MAPKAP1: variants seen among roughly 807,000 people sequenced by gnomAD.
The protein encoded by MAPKAP1 is MAPK associated protein 1.
In MAPKAP1, 20 loss-of-function variants were observed where a neutral mutation model predicts 65.7. The ratio of observed to expected loss-of-function variants is 0.30; its 90% CI spans 0.21 to 0.44. MAPKAP1 has a LOEUF of 0.44. Among genes scored for constraint, MAPKAP1 ranks in the 20% least tolerant of loss-of-function variants. The probability of loss-of-function intolerance (pLI) is 1.00; values close to 1 mark genes in which losing one functional copy is unlikely to be tolerated. For missense variants in MAPKAP1, 423 were observed against 648.0 expected (o/e 0.65, Z 3.77); for synonymous variants, 222 against 244.3 (o/e 0.91, Z 0.85).
intron 1 of MAPKAP1, among the ~76,000 whole-genome samples, chr9:125,674,082 G>A (rs915099477): frequency 3.3e-5 from 5 of 152,110 alleles, no homozygotes; most frequent in African/African-American, 9.6e-5. Flanking sequence ...AGGCCCTAGA[G>A]ACAGAAAGGG....
At position 125,466,712 on chromosome 9, in the gene MAPKAP1, C is replaced by T. The variant is rs541998888; in HGVS notation, c.1345+1260G>A. Among the ~76,000 whole-genome samples the T allele has an allele frequency of 7.2e-5, 11 of 152,246 alleles. No individual in the cohort carries two copies. In the East Asian group the frequency reaches 7.7e-4, roughly 11 times the overall value. Reference sequence around the variant, plus strand: ...CAGCCTTTTGCAGGGTCGGAGGCCTCGCTGGGATGACAGGAATGGCAGGAA... The same window carrying T: ...CAGCCTTTTGCAGGGTCGGAGGCCTTGCTGGGATGACAGGAATGGCAGGAA... On this transcript the variant is annotated intron_variant, in intron 10 of 11. Transcript: ENST00000265960.
intron 1 of MAPKAP1, among the ~76,000 whole-genome samples, chr9:125,694,075 TC>T (rs1835312907): frequency 6.6e-6 from 1 of 151,934 alleles, no homozygotes; most frequent in African/African-American, 2.4e-5. Context: ...ATGCTTGTAA[TC>T]CCAGCACTTT....
At chr9:125,451,871 G>C (rs1037514090) in intron 10 of MAPKAP1, among the ~76,000 whole-genome samples, 52 of 149,776 alleles carry the variant, frequency 3.5e-4, no homozygotes, top group African/African-American at 1.2e-3. Flanking sequence ...GCGCAGTGGC[G>C]CGATCTCAGC....
chr9:125,549,635 A>G (rs746417486), intron 6 of MAPKAP1, among the ~76,000 whole-genome samples: 9 of 152,228 alleles, frequency 5.9e-5, no homozygotes, highest in Non-Finnish European at 1.3e-4. Flanking sequence ...ACTAATGGGC[A>G]GTGAGAAGCC....
At position 125,559,610 on chromosome 9, in the gene MAPKAP1, GAAGT is replaced by G. The variant is rs368962809; in HGVS notation, c.848+19_848+22del. On this transcript the variant is annotated intron_variant, in intron 6 of 11. Transcript: ENST00000265960. ...AGAAGGTTGGGATGAGATACCGAGAGAAGTAATAGAGTCAGTACTCACATTCGAA... is the reference window on the plus strand; with the variant it reads ...AGAAGGTTGGGATGAGATACCGAGAGAATAGAGTCAGTACTCACATTCGAA... 114 of 1,583,432 alleles carry G rather than the reference GAAGT, an allele frequency of 7.2e-5. 2 individuals are homozygous for G. The Middle Eastern group carries it at 2.5e-3, about 35-fold the overall frequency.
At chr9:125,473,352 C>T (rs1240539896) in intron 9 of MAPKAP1, among the ~76,000 whole-genome samples, 1 of 152,168 alleles carries the variant, frequency 6.6e-6, no homozygotes, top group Non-Finnish European at 1.5e-5. Context: ...CCCCTAACCA[C>T]TTATCCACAG....
intron 10 of MAPKAP1, among the ~76,000 whole-genome samples, chr9:125,445,041 G>A (rs1852654018): frequency 6.6e-6 from 1 of 152,210 alleles, no homozygotes; most frequent in Non-Finnish European, 1.5e-5. Flanking sequence ...CTGGGCTCCT[G>A]CTGGGAGAGG....
At chr9:125,493,511 A>T (rs1854814766) in intron 8 of MAPKAP1, among the ~76,000 whole-genome samples, 1 of 152,248 alleles carries the variant, frequency 6.6e-6, no homozygotes, top group Admixed American at 6.5e-5. Context: ...GATGTTCAAT[A>T]AATGCTGCTG....
At chr9:125,548,688 A>G (rs1256183523) in intron 6 of MAPKAP1, among the ~76,000 whole-genome samples, 1 of 152,226 alleles carries the variant, frequency 6.6e-6, no homozygotes, top group Non-Finnish European at 1.5e-5. Flanking sequence ...CATTAGTTAA[A>G]AAAAGATAAA....
At chr9:125,656,353 A>G (rs1459645363) in intron 4 of MAPKAP1, among the ~76,000 whole-genome samples, 1 of 152,246 alleles carries the variant, frequency 6.6e-6, no homozygotes, top group Non-Finnish European at 1.5e-5. Flanking sequence ...AGGGCAGACG[A>G]AAGAGAAGCT....
At chr9:125,675,857 G>A (rs895742630) in intron 1 of MAPKAP1, among the ~76,000 whole-genome samples, 2 of 152,110 alleles carry the variant, frequency 1.3e-5, no homozygotes, top group African/African-American at 4.8e-5. Flanking sequence ...ATAAAGGATT[G>A]TCTTTTTTTC....
At chr9:125,673,140 G>A (rs915122626) in intron 1 of MAPKAP1, among the ~76,000 whole-genome samples, 7 of 152,140 alleles carry the variant, frequency 4.6e-5, no homozygotes, top group Non-Finnish European at 7.3e-5. Flanking sequence ...GAGTTACTAG[G>A]GGTTTTATAA....
chr9:125,605,449 G>A (rs1832412506), intron 4 of MAPKAP1, among the ~76,000 whole-genome samples: 3 of 152,092 alleles, frequency 2.0e-5, no homozygotes, highest in African/African-American at 4.8e-5. Context: ...TTTAAAATAT[G>A]GGTTTTATGG....
intron 9 of MAPKAP1, among the ~76,000 whole-genome samples, chr9:125,470,401 C>G (rs369282317): frequency 6.6e-6 from 1 of 152,198 alleles, no homozygotes; most frequent in Non-Finnish European, 1.5e-5. Flanking sequence ...ACATACATCA[C>G]CAGCTCCTGC....
rs116146322 is a variant in MAPKAP1 at position 125,551,150 on chromosome 9, T to C, written c.849-7982A>G. Among the ~76,000 whole-genome samples, 664 of 152,294 alleles carry C rather than the reference T, an allele frequency of 4.4e-3. 6 individuals are homozygous for C. The highest frequency in any genetic ancestry group is 0.015 in the African/African-American group (621 of 41,546). On this transcript the variant is annotated intron_variant, in intron 6 of 11. Transcript: ENST00000265960. ...ATAGCATCTATTGGAGGTATGAAAC[T>C]GAATGAGTGTGTGAAAATATTCTCC...
intron 5 of MAPKAP1, among the ~76,000 whole-genome samples, chr9:125,580,561 G>A (rs1831588933): frequency 6.6e-6 from 1 of 150,608 alleles, no homozygotes; most frequent in East Asian, 2.0e-4. Flanking sequence ...GGGAGGGATG[G>A]CATTAAGTGA....
chr9:125,619,773 C>CA (rs1169962995), intron 4 of MAPKAP1, among the ~76,000 whole-genome samples: 1 of 150,830 alleles, frequency 6.6e-6, no homozygotes, highest in East Asian at 1.9e-4. Flanking sequence ...GCTATAGAGG[C>CA]AAAAAATGTA....
chr9:125,645,736 CAAAAAAA>C (rs1044199278), intron 4 of MAPKAP1, among the ~76,000 whole-genome samples: 1 of 54,056 alleles, frequency 1.8e-5, no homozygotes, highest in African/African-American at 6.2e-5. Flanking sequence ...GACTCTGTCT[CAAAAAAA>C]AAAAAAAAAA....
At chr9:125,450,540 C>T (rs1279322804) in intron 10 of MAPKAP1, among the ~76,000 whole-genome samples, 4 of 152,146 alleles carry the variant, frequency 2.6e-5, no homozygotes, top group South Asian at 2.1e-4. Context: ...AACCAGTAGA[C>T]GTGAGCTATG....
Sources: gnomAD v4.1 joint callset for allele counts (sites outside exome capture counted in the v4.1 genomes callset) on GRCh38, gnomAD v4.1.1 for gene constraint, MANE v1.5 for transcripts, NCBI Gene and HGNC (gene_info 2026-07-23, HGNC 2026-07-21) for gene names.